The following MROH7 variants were observed in gnomAD, a reference collection of about 807,000 sequenced individuals.
MROH7 encodes the protein maestro heat-like repeat-containing protein family member 7.
Under a neutral mutation model 129.2 loss-of-function variants are expected in MROH7, and 113 were observed. That is an observed-to-expected ratio of 0.87 (90% CI 0.75 to 1.02). The LOEUF is 1.02. Among genes scored for constraint, MROH7 ranks in the 50% least tolerant of loss-of-function variants. The probability of loss-of-function intolerance (pLI) is 0.00; values close to 1 mark genes in which losing one functional copy is unlikely to be tolerated. For synonymous variants in MROH7, 655 were observed against 667.9 expected (o/e 0.98, Z 0.30); for missense variants, 1,601 against 1,671.3 (o/e 0.96, Z 0.73).
chr1:54,681,771 A>G (rs1645072467), intron 13 of MROH7, among the ~76,000 whole-genome samples: 1 of 152,112 alleles, frequency 6.6e-6, no homozygotes, highest in South Asian at 2.1e-4. Context: ...ATTATGTGAC[A>G]AGTGCAGGAT....
chr1:54,695,724 C>T (rs1645311577), intron 17 of MROH7: 5 of 567,302 alleles, frequency 8.8e-6, no homozygotes, highest in East Asian at 3.2e-5. Flanking sequence ...GAACCACCAA[C>T]CTTTGCTGGG....
At position 54,702,611 on chromosome 1, in the gene MROH7, A is replaced by G. The variant is rs199771449; in HGVS notation, c.3442-12A>G. 1.6e-4 allele frequency: 256 copies of G among 1,580,792 alleles called. No homozygotes were observed. The East Asian group carries it at 5.6e-3, about 34-fold the overall frequency. On this transcript the variant is annotated splice_polypyrimidine_tract_variant and intron_variant, in intron 20 of 23. Coordinates refer to ENST00000421030, the MANE Select transcript of MROH7 (RefSeq NM_001039464.4). Reference sequence around the variant, plus strand: ...TCCACAGTTCTGATATTTTCTTCCTATTGGTTCCCAGAAGTGTGTGAAGAC... The same window carrying G: ...TCCACAGTTCTGATATTTTCTTCCTGTTGGTTCCCAGAAGTGTGTGAAGAC...
intron 17 of MROH7, chr1:54,697,243 C>T (rs1243706502): frequency 6.0e-6 from 1 of 165,656 alleles, no homozygotes; most frequent in Non-Finnish European, 1.3e-5. Context: ...TAAACTGAAC[C>T]TTAAAGTTTG....
At chr1:54,708,680 G>C (rs765288335) in intron 22 of MROH7, among the ~76,000 whole-genome samples, 1 of 152,190 alleles carries the variant, frequency 6.6e-6, no homozygotes, top group African/African-American at 2.4e-5. Flanking sequence ...ACTCCCCATA[G>C]AAGTGGACAG....
At chr1:54,644,642 C>T (rs1051098370) in intron 1 of MROH7, among the ~76,000 whole-genome samples, 4 of 150,246 alleles carry the variant, frequency 2.7e-5, no homozygotes, top group East Asian at 3.9e-4. Flanking sequence ...TGTGCCTGGC[C>T]GATTTTTCTT....
chr1:54,654,239 A>C lies in MROH7; in HGVS notation c.1231+82A>C, dbSNP rs375879780. 2.2e-6 allele frequency: 3 copies of C among 1,342,746 alleles called. 1 individual carries two copies. The highest frequency in any genetic ancestry group is 2.9e-5 in the African/African-American group (2 of 68,044). The allele number at this position is 1,342,746 out of a possible 1,614,324, so 83.2% of individuals were successfully genotyped here. On this transcript the variant is annotated intron_variant, in intron 3 of 23. Transcript: ENST00000421030. ...AGACTCTTAGGGCAGGGAGAGGAGA[A>C]GGAAGGAAGGGGACAGCAGGCAGTT...
intron 5 of MROH7, 92 bp downstream of exon 5, chr1:54,669,029 T>A: frequency 1.1e-6 from 1 of 925,156 alleles, no homozygotes; most frequent in East Asian, 2.5e-5. Flanking sequence ...GGGTGGGAGG[T>A]TGAGGTAGGA....
Position 54,701,285 on chromosome 1 carries a change from T to C in MROH7, c.3248T>C (p.Val1083Ala), listed in dbSNP as rs892132249. Residue 1083 changes from valine to alanine, a missense_variant, in exon 19 of 24, where the codon GTG (valine) becomes GCG (alanine). Transcript: ENST00000421030. ...AAGCTGATGGACAGTGCGGTCTATG[T>C]GGAGATGCTGCAGATCCTGCTGCCG... Reference protein sequence around the residue: ...DQKLMDSAVYVEMLQILLPHF... With the variant: ...DQKLMDSAVYAEMLQILLPHF... 3 of 1,606,130 alleles carry C rather than the reference T, an allele frequency of 1.9e-6. No homozygotes were observed. Among genetic ancestry groups the C allele is most frequent in the Non-Finnish European group, 2.6e-6 (3 of 1,174,438 alleles).
rs200552161 is a variant in MROH7, at chr1:54,673,740, C to T, written c.1735C>T (p.Arg579Ter). 144 of 1,614,124 alleles carry T rather than the reference C, an allele frequency of 8.9e-5. 1 individual carries two copies. The African/African-American group carries it at 1.1e-3, about 13-fold the overall frequency. Residue 579 changes from arginine to a stop codon, truncating the protein, a stop_gained, in exon 9 of 24, where the codon CGA (arginine) becomes TGA (stop). Coordinates refer to ENST00000421030, the MANE Select transcript of MROH7 (RefSeq NM_001039464.4). LOFTEE classifies it high-confidence loss of function. ...GATGAACTCTGGGAAGGCCCATGAG[C>T]GAGCACGGGCTGTGAACACCAATGT... is the stretch of plus-strand genomic sequence containing the variant. The part of the protein sequence containing the change: ...PWMNSGKAHE[R>*]ARAVNTNVSV...
intron 21 of MROH7, 142 bp downstream of exon 21, chr1:54,702,887 C>A: frequency 1.0e-6 from 1 of 987,584 alleles, no homozygotes; most frequent in South Asian, 1.8e-5. Flanking sequence ...CGTTCCTCTC[C>A]ACCTCTGGCT....
chr1:54,695,769 T>G (rs1645312701), intron 17 of MROH7: 1 of 450,654 alleles, frequency 2.2e-6, no homozygotes, highest in African/African-American at 2.0e-5. Context: ...CATATAAATG[T>G]GAATTTGACT....
intron 18 of MROH7, 130 bp from the exon 19 acceptor site, chr1:54,701,013 G>T: frequency 2.1e-6 from 2 of 964,078 alleles, no homozygotes; most frequent in East Asian, 2.6e-5. Flanking sequence ...CAGGCAGGTG[G>T]GATGGCATAG....
rs1285840473 is a variant in MROH7 at position 54,675,174 on chromosome 1, C to T, written c.1936+1023C>T. Among the ~76,000 whole-genome samples, 4 of 152,140 alleles carry T rather than the reference C, an allele frequency of 2.6e-5. No individual in the cohort carries two copies. In the East Asian group the frequency reaches 7.7e-4, roughly 29 times the overall value. On this transcript the variant is annotated intron_variant, in intron 10 of 23. Transcript: ENST00000421030. ...TATTTTTAGTAGAGACGGGATTTCA[C>T]CATGTTGGCCAGGCTGGTCTCAAAC...
chr1:54,665,386 G>T (rs903352155), intron 4 of MROH7, 146 bp downstream of exon 4: 2 of 596,146 alleles, frequency 3.4e-6, no homozygotes, highest in Non-Finnish European at 6.0e-6. Context: ...CGTCTGATGT[G>T]CCATATGCTT....
intron 13 of MROH7, among the ~76,000 whole-genome samples, chr1:54,681,103 C>T (rs1032051509): frequency 1.6e-4 from 24 of 152,160 alleles, no homozygotes; most frequent in Admixed American, 9.2e-4. Context: ...CAGGCAGAGG[C>T]ACCCAGGGCA....
intron 21 of MROH7, among the ~76,000 whole-genome samples, chr1:54,704,028 C>T (rs138634849): frequency 2.6e-5 from 4 of 152,270 alleles, no homozygotes; most frequent in Middle Eastern, 3.4e-3. Context: ...GAATTAATCC[C>T]TCCCGTGTGA....
intron 3 of MROH7, chr1:54,663,752 C>T (rs1297415946): frequency 2.3e-6 from 1 of 442,816 alleles, no homozygotes; most frequent in Non-Finnish European, 4.5e-6. Flanking sequence ...ATGTCTTTAT[C>T]ATTCAGGTGT....
intron 7 of MROH7, among the ~76,000 whole-genome samples, chr1:54,672,153 G>A (rs1421056063): frequency 1.3e-5 from 2 of 152,072 alleles, no homozygotes; most frequent in Non-Finnish European, 2.9e-5. Context: ...GACTGGGGTT[G>A]TGGGGGTGAC....
rs376981288 is a variant in MROH7 at position 54,654,071 on chromosome 1, G to C, written c.1145G>C (p.Ser382Thr). The C allele has an allele frequency of 1.3e-5, 21 of 1,614,020 alleles. No homozygotes were observed. Among genetic ancestry groups the C allele is most frequent in the Non-Finnish European group, 1.8e-5 (21 of 1,180,012 alleles). ...ENLESWSEMA[S>T]IKVGQFPLGF... ...CTGGAGAGTTGGAGTGAGATGGCCA[G>C]CATTAAGGTGGGCCAGTTCCCGCTG... The change falls in exon 3 of 24, where the codon AGC becomes ACC. Residue 382 changes from serine (S) to threonine (T), a missense_variant. Ser to Thr is a moderately conservative substitution (Grantham distance 58). Coordinates refer to ENST00000421030, the MANE Select transcript of MROH7 (RefSeq NM_001039464.4).
Sources: allele counts gnomAD v4.1 joint callset (sites outside exome capture counted in the v4.1 genomes callset), GRCh38; gene constraint gnomAD v4.1.1; transcripts MANE v1.5; gene names NCBI Gene and HGNC (gene_info 2026-07-23, HGNC 2026-07-21).